SYNE1: variants seen among roughly 807,000 people sequenced by gnomAD.
SYNE1 encodes the protein spectrin repeat containing nuclear envelope protein 1.
Under a neutral mutation model 1,111.0 loss-of-function variants are expected in SYNE1, and 616 were observed. The observed-to-expected ratio is 0.55, with a 90% CI of 0.52 to 0.59. The LOEUF (loss-of-function observed/expected upper bound fraction) is 0.59. Among genes scored for constraint, SYNE1 ranks in the 20% least tolerant of loss-of-function variants. The pLI, the probability that SYNE1 is intolerant of heterozygous loss-of-function variation, is 0.00. For missense variants in SYNE1, 10,006 were observed against 10,417.0 expected, an observed-to-expected ratio of 0.96 and a Z score of 1.72; for synonymous variants, 3,855 against 3,825.8, an observed-to-expected ratio of 1.01 and a Z score of -0.28.
intron 29 of SYNE1, among the ~76,000 whole-genome samples, chr6:152,445,574 A>G (rs1188099501): frequency 3.3e-5 from 5 of 151,926 alleles, no homozygotes; most frequent in African/African-American, 1.2e-4. Context: ...TTCTGATCTA[A>G]GTTTTTCCAA....
rs972625031 is a variant in SYNE1 at position 152,353,424 on chromosome 6, T to G, written c.11092A>C (p.Lys3698Gln). 3.1e-6 allele frequency: 5 copies of G among 1,614,116 alleles called. No individual in the cohort carries two copies. The highest frequency in any genetic ancestry group is 4.2e-6 in the Non-Finnish European group (5 of 1,180,048). The change falls in exon 69 of 146, where the codon AAA (lysine) becomes CAA (glutamine). Residue 3698 changes from lysine to glutamine, a missense_variant. Physicochemically the swap from Lys to Gln is moderately conservative, Grantham distance 53 (BLOSUM62 1). This residue lies in a region of SYNE1 where 4,955 missense variants were observed against 5,017.2 expected (regional missense o/e 0.99). Coordinates refer to ENST00000367255, the MANE Select transcript of SYNE1 (RefSeq NM_182961.4). ...CTCTGAATCTCCTCCTCCAGGAATTTTATTTGTTCCTATGAAAGAAAAGAG... is the reference window on the plus strand; with the variant it reads ...CTCTGAATCTCCTCCTCCAGGAATTGTATTTGTTCCTATGAAAGAAAAGAG... Reference protein sequence around the residue: ...ALLLQVLEQIKFLEEEIQSLE... With the variant: ...ALLLQVLEQIQFLEEEIQSLE...
At chr6:152,187,980 C>A (rs2070741247) in intron 128 of SYNE1, among the ~76,000 whole-genome samples, 1 of 152,194 alleles carries the variant, frequency 6.6e-6, no homozygotes, top group Non-Finnish European at 1.5e-5. Context: ...CCCGCCTCAG[C>A]CTCCCAAAGT....
At chr6:152,598,733 G>T (rs1198896969) in intron 3 of SYNE1, among the ~76,000 whole-genome samples, 1 of 152,150 alleles carries the variant, frequency 6.6e-6, no homozygotes, top group Non-Finnish European at 1.5e-5. Context: ...TTGAATCTGG[G>T]TAAGTCTGGT....
At chr6:152,313,434 C>T (rs537838577) in intron 87 of SYNE1, among the ~76,000 whole-genome samples, 1 of 151,002 alleles carries the variant, frequency 6.6e-6, no homozygotes, top group East Asian at 1.9e-4. Context: ...ACATCTCTGA[C>T]ATTAGAAAAA....
intron 108 of SYNE1, 141 bp from the exon 109 acceptor site, chr6:152,237,089 C>G (rs2084299621): frequency 1.0e-5 from 12 of 1,145,346 alleles, no homozygotes; most frequent in South Asian, 9.4e-5. Flanking sequence ...CTTTGGGAAG[C>G]AAAAGATGGC....
Position 152,628,468 on chromosome 6 carries a change from T to C in SYNE1, c.-137A>G. Reference sequence around the variant, plus strand: ...AATGAATTCCAGGCCTTTGCAGCACTCAACAAGGAGGCAGCTCTCCCAAAG... The same window carrying C: ...AATGAATTCCAGGCCTTTGCAGCACCCAACAAGGAGGCAGCTCTCCCAAAG... On this transcript the variant is annotated 5_prime_UTR_variant, in exon 3 of 146. Coordinates refer to ENST00000367255, the MANE Select transcript of SYNE1 (RefSeq NM_182961.4). The C allele has an allele frequency of 1.1e-5, 9 of 840,866 alleles. No homozygotes were observed. Among genetic ancestry groups the C allele is most frequent in the Non-Finnish European group, 1.8e-5 (9 of 500,012 alleles). The allele number at this position is 840,866 out of a possible 1,614,324, so 52.1% of individuals were successfully genotyped here. A position where few individuals can be genotyped will look rare whatever the true frequency, so the allele number is the denominator to read the frequency against.
chr6:152,210,662 T>C (rs1390907951), intron 124 of SYNE1, among the ~76,000 whole-genome samples: 2 of 152,170 alleles, frequency 1.3e-5, no homozygotes, highest in Non-Finnish European at 2.9e-5. Context: ...CAACTACTGG[T>C]TCCTAAATAT....
intron 75 of SYNE1, among the ~76,000 whole-genome samples, chr6:152,337,895 C>G (rs574934403): frequency 6.1e-4 from 93 of 152,228 alleles, no homozygotes; most frequent in Non-Finnish European, 1.1e-3. Context: ...TGTCTGTAAT[C>G]CTAGCACTTT....
chr6:152,575,113 A>G (rs1160500828), intron 3 of SYNE1, among the ~76,000 whole-genome samples: 1 of 152,208 alleles, frequency 6.6e-6, no homozygotes, highest in African/African-American at 2.4e-5. Flanking sequence ...TGGTGGGTAC[A>G]GTTGATGAGG....
At chr6:152,590,215 C>T (rs949496821) in intron 3 of SYNE1, among the ~76,000 whole-genome samples, 3 of 151,636 alleles carry the variant, frequency 2.0e-5, no homozygotes, top group Non-Finnish European at 4.4e-5. Context: ...CAGGTGTGAG[C>T]TACTGTGCCC....
At chr6:152,393,201 C>T (rs1198080432) in intron 51 of SYNE1, among the ~76,000 whole-genome samples, 5 of 152,076 alleles carry the variant, frequency 3.3e-5, no homozygotes, top group African/African-American at 4.8e-5. Context: ...ACATAAAAGA[C>T]CTTGAATTTG....
At chr6:152,282,209 T>C (rs920643890) in intron 96 of SYNE1, among the ~76,000 whole-genome samples, 1 of 152,158 alleles carries the variant, frequency 6.6e-6, no homozygotes, top group Non-Finnish European at 1.5e-5. Context: ...AATGTGTACC[T>C]AGAGTTGAAC....
rs776222436 is a variant in SYNE1, at chr6:152,441,217, T to C, written c.4062A>G (p.Arg1354=). ...RFETNKETVV[R]YLFQTGSSHE... The stretch of plus-strand genomic sequence containing the variant: ...GACTGGAACCTGTTTGAAAAAGGTA[T>C]CTTACTACTGTTTCTTTGTTTGTTT... Residue 1354 remains arginine, a synonymous_variant, in exon 32 of 146, where the codon AGA becomes AGG. Coordinates refer to ENST00000367255, the MANE Select transcript of SYNE1 (RefSeq NM_182961.4). The C allele has an allele frequency of 5.0e-6, 8 of 1,612,598 alleles. No homozygotes were observed. Among genetic ancestry groups the C allele is most frequent in the Non-Finnish European group, 6.8e-6 (8 of 1,179,088 alleles).
chr6:152,382,276 G>T (rs992687151), intron 55 of SYNE1, among the ~76,000 whole-genome samples: 2 of 151,942 alleles, frequency 1.3e-5, no homozygotes, highest in African/African-American at 4.8e-5. Context: ...GGATTAAATA[G>T]AAATAAAAGA....
intron 3 of SYNE1, among the ~76,000 whole-genome samples, chr6:152,586,085 G>GTA (rs1350496294): frequency 6.6e-6 from 1 of 151,990 alleles, no homozygotes; most frequent in Non-Finnish European, 1.5e-5. Context: ...TCCACCCTGA[G>GTA]TATATATATG....
intron 16 of SYNE1, among the ~76,000 whole-genome samples, chr6:152,468,701 C>A (rs540063547): frequency 1.3e-5 from 2 of 152,050 alleles, no homozygotes; most frequent in Admixed American, 6.6e-5. Flanking sequence ...AATATAATTA[C>A]GGAAAATTTA....
chr6:152,285,744 C>T (rs570983044), intron 95 of SYNE1, among the ~76,000 whole-genome samples: 15 of 152,282 alleles, frequency 9.9e-5, no homozygotes, highest in African/African-American at 3.6e-4. Flanking sequence ...TCATGACCAC[C>T]CAATCCTAAG....
chr6:152,213,904 A>T, intron 122 of SYNE1, 145 bp from the exon 123 acceptor site: 1 of 433,284 alleles, frequency 2.3e-6, no homozygotes, highest in Non-Finnish European at 3.5e-6. Context: ...AAATTATTTT[A>T]AAAAAGAAGA....
intron 38 of SYNE1, among the ~76,000 whole-genome samples, chr6:152,427,261 A>G (rs1309514539): frequency 6.6e-6 from 1 of 152,088 alleles, no homozygotes; most frequent in Non-Finnish European, 1.5e-5. Context: ...TCTACATTCT[A>G]TTACTTATTT....
Sources: gnomAD v4.1 joint callset for allele counts (sites outside exome capture counted in the v4.1 genomes callset) on GRCh38, gnomAD v4.1.1 for gene constraint, gnomAD v4.1.1 regional missense constraint, MANE v1.5 for transcripts, NCBI Gene and HGNC (gene_info 2026-07-23, HGNC 2026-07-21) for gene names.